Variants in UNC5A observed in about 807,000 individuals in gnomAD.
The protein encoded by UNC5A is unc-5 netrin receptor A.
Under a neutral mutation model 87.4 loss-of-function variants are expected in UNC5A, and 20 were observed. The ratio of observed to expected loss-of-function variants is 0.23; its 90% confidence interval spans 0.16 to 0.33. The LOEUF (loss-of-function observed/expected upper bound fraction) is 0.33, where lower values mean the gene tolerates loss of function less well. Among genes scored for constraint, UNC5A ranks in the 10% least tolerant of loss-of-function variants. The pLI is 1.00. For missense variants in UNC5A, 844 were observed against 1,133.4 expected, an observed-to-expected ratio of 0.74 and a Z score of 3.67; for synonymous variants, 438 against 482.3, an observed-to-expected ratio of 0.91 and a Z score of 1.20.
At chr5:176,832,971 A>G (rs949322090) in intron 1 of UNC5A, among the ~76,000 whole-genome samples, 5 of 152,210 alleles carry the variant, frequency 3.3e-5, no homozygotes, top group Admixed American at 3.3e-4. Flanking sequence ...GAACGAAAGG[A>G]GGCTCATGCC....
rs565258212 is a variant in UNC5A, at chr5:176,877,858, G to C, written c.1636-36G>C. 4 of 1,571,650 alleles carry C rather than the reference G, an allele frequency of 2.5e-6. No homozygotes were observed. The East Asian group carries it at 6.9e-5, about 27-fold the overall frequency. Reference sequence around the variant, plus strand: ...CCACAGCTGGCCCTAGGGCTCTGAGGCTGGGCCGAATTGACCCACTGACCC... The same window carrying C: ...CCACAGCTGGCCCTAGGGCTCTGAGCCTGGGCCGAATTGACCCACTGACCC... On this transcript the variant is annotated intron_variant, in intron 10 of 14. Coordinates refer to ENST00000329542, the MANE Select transcript of UNC5A (RefSeq NM_133369.3).
At chr5:176,867,159 A>G (rs1757995263) in intron 2 of UNC5A, among the ~76,000 whole-genome samples, 2 of 152,178 alleles carry the variant, frequency 1.3e-5, no homozygotes, top group Admixed American at 6.5e-5. Flanking sequence ...TGATAAGCCA[A>G]TGACCCGAGG....
At chr5:176,854,349 C>T (rs1757617935) in intron 1 of UNC5A, among the ~76,000 whole-genome samples, 1 of 152,182 alleles carries the variant, frequency 6.6e-6, no homozygotes, top group Non-Finnish European at 1.5e-5. Flanking sequence ...ATCAGAGCCC[C>T]CTAGTGAAGC....
At chr5:176,873,746 C>A (rs142608311) in intron 6 of UNC5A, among the ~76,000 whole-genome samples, 1 of 152,206 alleles carries the variant, frequency 6.6e-6, no homozygotes, top group Non-Finnish European at 1.5e-5. Flanking sequence ...CTCAAGCCCA[C>A]GAGGAATGTG....
intron 1 of UNC5A, among the ~76,000 whole-genome samples, chr5:176,852,625 T>G (rs1309466936): frequency 6.6e-6 from 1 of 152,238 alleles, no homozygotes; most frequent in Non-Finnish European, 1.5e-5. Flanking sequence ...CTCAGCTTTA[T>G]TAACTATTTC....
At position 176,865,138 on chromosome 5, in the gene UNC5A, C is replaced by T. The variant is rs1460101502; in HGVS notation, c.292+2293C>T. Among the ~76,000 whole-genome samples, 4 of 152,246 alleles carry T rather than the reference C, an allele frequency of 2.6e-5. No homozygotes were observed. The highest frequency in any genetic ancestry group is 2.6e-4 in the Admixed American group (4 of 15,290). ...GCACGGGGCCTTTCCTTTCTCCCCA[C>T]CCCACACCCGGGGCCCAGCGTCCCT... On this transcript the variant is annotated intron_variant, in intron 2 of 14. Coordinates refer to ENST00000329542, the MANE Select transcript of UNC5A (RefSeq NM_133369.3). The surrounding 1 kb of genome is among the most constrained non-coding windows in gnomAD (Gnocchi z 5.3).
At chr5:176,831,881 C>CTTTGTT (rs1757033214) in intron 1 of UNC5A, among the ~76,000 whole-genome samples, 1 of 31,242 alleles carries the variant, frequency 3.2e-5, no homozygotes, top group African/African-American at 4.7e-5. Flanking sequence ...CACTTTCTCT[C>CTTTGTT]TCTCTTTTTT....
chr5:176,863,326 G>GCATGC, intron 2 of UNC5A, among the ~76,000 whole-genome samples: 1 of 152,358 alleles, frequency 6.6e-6, no homozygotes, highest in Middle Eastern at 3.4e-3. Context: ...GCAGACGCCG[G>GCATGC]CATGCCGGTG....
chr5:176,874,296 C>G lies in UNC5A; in HGVS notation c.1108C>G (p.Leu370Val). ...NPHLLTIQPDLSTTTTTYQGS... is the reference protein window; with the variant it reads ...NPHLLTIQPDVSTTTTTYQGS... Reference sequence around the variant, plus strand: ...CCATCTGCTCACCATCCAGCCGGACCTCAGCACCACCACCACCACCTACCA... The same window carrying G: ...CCATCTGCTCACCATCCAGCCGGACGTCAGCACCACCACCACCACCTACCA... Residue 370 changes from leucine to valine, a missense_variant, in exon 8 of 15, where the codon CTC becomes GTC. By Grantham distance (32) the Leu-to-Val change is conservative. Around this residue, in one of 3 missense-constraint regions of UNC5A, gnomAD observed 353 missense variants for 387.5 expected, o/e 0.91. Transcript: ENST00000329542. This position sits in a 1 kb window ranked among gnomAD's most constrained non-coding sequence, Gnocchi z 7.6. 6.2e-7 allele frequency: 1 copy of G among 1,605,278 alleles called. No homozygotes were observed. Among genetic ancestry groups the G allele is most frequent in the Non-Finnish European group, 8.5e-7 (1 of 1,175,118 alleles).
At chr5:176,851,742 G>C (rs1757548203) in intron 1 of UNC5A, among the ~76,000 whole-genome samples, 1 of 152,184 alleles carries the variant, frequency 6.6e-6, no homozygotes, top group Non-Finnish European at 1.5e-5. Context: ...CTGCAGAGTG[G>C]CACTCCTAGT....
chr5:176,873,873 G>A (rs1019791320), intron 6 of UNC5A, 95 bp from the exon 7 acceptor site: 2 of 1,373,646 alleles, frequency 1.5e-6, no homozygotes, highest in Non-Finnish European at 2.0e-6. Context: ...ATGCCCCGGG[G>A]TGCAGACCTC....
chr5:176,858,772 A>AAGGAAGGAAGGAAGGCAGGC (rs1304121118), intron 1 of UNC5A, among the ~76,000 whole-genome samples: 48 of 140,218 alleles, frequency 3.4e-4, no homozygotes, highest in African/African-American at 1.3e-3. Context: ...GGAAGGAAGG[A>AAGGAAGGAAGGAAGGCAGGC]AGGCAAGCAA....
Position 176,877,623 on chromosome 5 carries a change from G to A in UNC5A, c.1555G>A (p.Ala519Thr). The change falls in exon 10 of 15, where the codon GCT (alanine) becomes ACT (threonine). Residue 519 changes from alanine (A) to threonine (T), a missense_variant. By Grantham distance (58) the Ala-to-Thr change is moderately conservative. This residue lies in a region of UNC5A where 353 missense variants were observed against 387.5 expected (regional missense o/e 0.91). Coordinates refer to ENST00000329542, the MANE Select transcript of UNC5A (RefSeq NM_133369.3). Reference protein sequence around the residue: ...GVLLTRPVILAMDHCGEPSPD... With the variant: ...GVLLTRPVILTMDHCGEPSPD... Reference sequence around the variant, plus strand: ...CCTGCTCACCCGGCCAGTCATCCTGGCTATGGACCACTGTGGGGAGCCCAG... The same window carrying A: ...CCTGCTCACCCGGCCAGTCATCCTGACTATGGACCACTGTGGGGAGCCCAG... 6.2e-7 allele frequency: 1 copy of A among 1,612,658 alleles called. No individual in the cohort carries two copies. Among genetic ancestry groups the A allele is most frequent in the Non-Finnish European group, 8.5e-7 (1 of 1,179,760 alleles).
rs1758319769 is a variant in UNC5A at position 176,878,351 on chromosome 5, G to C, written c.1977G>C (p.Val659=). 1 of 1,613,488 alleles carries C rather than the reference G, an allele frequency of 6.2e-7. No individual in the cohort carries two copies. Among genetic ancestry groups the C allele is most frequent in the Non-Finnish European group, 8.5e-7 (1 of 1,180,034 alleles). Residue 659 remains valine (V), a synonymous_variant, in exon 12 of 15, where the codon GTG becomes GTC. Coordinates refer to ENST00000329542, the MANE Select transcript of UNC5A (RefSeq NM_133369.3). The stretch of plus-strand genomic sequence containing the variant: ...ACCTGCGCCTATCCATCCACGATGT[G>C]CCCAGCTCCCTGTGGAAGAGTAAGC... ...YHNLRLSIHD[V]PSSLWKSKLL...
chr5:176,842,492 G>GAT (rs35268512), intron 1 of UNC5A, among the ~76,000 whole-genome samples: 2,535 of 145,336 alleles, frequency 0.017, 58 homozygotes, highest in South Asian at 0.066. Flanking sequence ...GAGAAACTGT[G>GAT]ATATATATAT....
At chr5:176,815,691 A>C (rs1756570156) in intron 1 of UNC5A, among the ~76,000 whole-genome samples, 1 of 152,192 alleles carries the variant, frequency 6.6e-6, no homozygotes. Flanking sequence ...GTGGGGACTT[A>C]AGCCGCATCA....
At chr5:176,826,636 C>CTTTTTTTTTTTTTTTTTTTTTT (rs34466725) in intron 1 of UNC5A, among the ~76,000 whole-genome samples, 1 of 72,744 alleles carries the variant, frequency 1.4e-5, no homozygotes. Flanking sequence ...AGTTTCCAAA[C>CTTTTTTTTTTTTTTTTTTTTTT]TTTTTTTTTT....
intron 8 of UNC5A, among the ~76,000 whole-genome samples, chr5:176,876,727 T>C (rs1758270294): frequency 6.6e-6 from 1 of 152,098 alleles, no homozygotes; most frequent in African/African-American, 2.4e-5. Context: ...GGGAGGGCAG[T>C]GGGGGCTCAG....
At chr5:176,860,011 C>T (rs1163546250) in intron 1 of UNC5A, among the ~76,000 whole-genome samples, 2 of 152,242 alleles carry the variant, frequency 1.3e-5, no homozygotes. Flanking sequence ...GTGCTGGGTT[C>T]ACCAGGCGGC....
Sources: allele counts gnomAD v4.1 joint callset (sites outside exome capture counted in the v4.1 genomes callset), GRCh38; gene constraint gnomAD v4.1.1; regional missense constraint gnomAD v4.1.1; non-coding constraint Gnocchi (gnomAD v3.1); transcripts MANE v1.5; gene names NCBI Gene and HGNC (gene_info 2026-07-23, HGNC 2026-07-21).